TACC2: variants seen among roughly 807,000 people sequenced by gnomAD.
The protein encoded by TACC2 is transforming acidic coiled-coil-containing protein 2.
In TACC2, 137 loss-of-function variants were observed where a neutral mutation model predicts 227.3. That is an observed-to-expected ratio of 0.60 (90% CI 0.52 to 0.69). TACC2 has a LOEUF of 0.69. Among genes scored for constraint, TACC2 ranks in the 30% least tolerant of loss-of-function variants. The probability of loss-of-function intolerance (pLI) is 0.00; values close to 1 mark genes in which losing one functional copy is unlikely to be tolerated. For missense variants in TACC2, 3,470 were observed against 3,694.4 expected (o/e 0.94, Z 1.57); for synonymous variants, 1,523 against 1,487.5 (o/e 1.02, Z -0.55).
chr10:122,224,162 A>G (rs2095576712), intron 11 of TACC2, among the ~76,000 whole-genome samples: 1 of 152,226 alleles, frequency 6.6e-6, no homozygotes, highest in Admixed American at 6.5e-5. Flanking sequence ...GATTTGGACC[A>G]GCCCTGAAGA....
chr10:122,224,404 T>C (rs904091005), intron 11 of TACC2, among the ~76,000 whole-genome samples: 1 of 152,178 alleles, frequency 6.6e-6, no homozygotes, highest in African/African-American at 2.4e-5. Flanking sequence ...TGCTGTCTTA[T>C]GGGAACACTC....
intron 5 of TACC2, among the ~76,000 whole-genome samples, chr10:122,098,485 G>A (rs60594299): frequency 0.038 from 5,800 of 152,210 alleles, 191 homozygotes; most frequent in East Asian, 0.18. Context: ...AGGTGGCTGC[G>A]TCTAACTCAC....
chr10:122,238,985 A>C (rs1384243039), intron 18 of TACC2, among the ~76,000 whole-genome samples: 4 of 151,856 alleles, frequency 2.6e-5, no homozygotes, highest in African/African-American at 9.7e-5. Flanking sequence ...CATAAGTGCA[A>C]TGGCCGATAC....
At chr10:122,238,061 C>G (rs765497716) in intron 18 of TACC2, 24 bp downstream of exon 18, 1 of 1,599,098 alleles carries the variant, frequency 6.3e-7, no homozygotes, top group East Asian at 2.2e-5. Flanking sequence ...CTGGGCCTTC[C>G]TCGTGCCTGA....
chr10:122,178,244 T>C (rs552499646), intron 7 of TACC2, among the ~76,000 whole-genome samples: 14,884 of 150,286 alleles, frequency 0.099, 769 homozygotes, highest in African/African-American at 0.14. Context: ...TCTTTCTTTT[T>C]TTTTTTTTTT....
chr10:122,151,674 G>T lies in TACC2; in HGVS notation c.5834+7968G>T, dbSNP rs181440229. ...AAATATCTCTGGTGGCGAGGAGGAG[G>T]GTGGGTGGAGGAGAGGCCAGAGGTC... On this transcript the variant is annotated intron_variant, in intron 7 of 22. Transcript: ENST00000369005. Among the ~76,000 whole-genome samples the T allele has an allele frequency of 9.6e-5, 14 of 146,152 alleles. No individual in the cohort carries two copies. In the East Asian group the frequency reaches 2.7e-3, roughly 28 times the overall value.
intron 5 of TACC2, among the ~76,000 whole-genome samples, chr10:122,123,544 C>G (rs1030362397): frequency 6.6e-6 from 1 of 152,194 alleles, no homozygotes; most frequent in African/African-American, 2.4e-5. Context: ...AAAAGGATGC[C>G]CTGTGTGTTC....
chr10:122,152,999 C>CTTTT (rs150943859), intron 7 of TACC2, among the ~76,000 whole-genome samples: 1 of 135,036 alleles, frequency 7.4e-6, no homozygotes, highest in East Asian at 2.3e-4. Flanking sequence ...TTCTTTCTTT[C>CTTTT]TTTTTTTTTT....
chr10:122,002,449 G>A (rs945237182), intron 1 of TACC2, among the ~76,000 whole-genome samples: 2 of 152,062 alleles, frequency 1.3e-5, no homozygotes, highest in African/African-American at 4.8e-5. Context: ...GTGTGTGTGT[G>A]TGCCATTTTT....
chr10:121,990,757 G>T (rs1475833642), intron 1 of TACC2, among the ~76,000 whole-genome samples: 1 of 152,000 alleles, frequency 6.6e-6, no homozygotes, highest in Non-Finnish European at 1.5e-5. Flanking sequence ...TTACATTATT[G>T]TCTGGACATA....
intron 19 of TACC2, chr10:122,247,514 A>G (rs2096151652): frequency 6.6e-6 from 1 of 152,236 alleles, no homozygotes; most frequent in African/African-American, 2.4e-5. Flanking sequence ...TTTTGTGTAG[A>G]GTAGTCAGAG....
intron 9 of TACC2, among the ~76,000 whole-genome samples, chr10:122,214,946 C>T (rs545604433): frequency 2.2e-4 from 33 of 152,108 alleles, no homozygotes; most frequent in South Asian, 4.2e-4. Context: ...TTCTGCGTGG[C>T]CCCCTTCAGT....
chr10:122,158,282 G>A (rs995160146), intron 7 of TACC2, among the ~76,000 whole-genome samples: 3 of 152,010 alleles, frequency 2.0e-5, no homozygotes, highest in East Asian at 1.9e-4. Context: ...CCAGCTACTC[G>A]GGAGGCTGAG....
At chr10:122,199,739 A>C (rs1280252020) in intron 8 of TACC2, among the ~76,000 whole-genome samples, 1 of 152,184 alleles carries the variant, frequency 6.6e-6, no homozygotes, top group Non-Finnish European at 1.5e-5. Flanking sequence ...GGTACCTGTT[A>C]GCAACAGAAA....
At position 122,087,690 on chromosome 10, in the gene TACC2, G is replaced by A. The variant is rs752818434; in HGVS notation, c.5190G>A (p.Thr1730=). The A allele has an allele frequency of 2.5e-6, 4 of 1,613,254 alleles. No individual in the cohort carries two copies. Among genetic ancestry groups the A allele is most frequent in the Admixed American group, 1.7e-5 (1 of 60,026 alleles). ...GTGATCTGCCTGAAGCAGGTACTAC[G>A]AGGACATTCTCCGTTGTGGCAGGTG... ...ASGDLPEAGT[T]RTFSVVAGDL... Residue 1730 remains threonine, a synonymous_variant, in exon 4 of 23, where the codon ACG becomes ACA. Transcript: ENST00000369005.
intron 7 of TACC2, among the ~76,000 whole-genome samples, chr10:122,178,545 G>A (rs528447983): frequency 3.3e-5 from 5 of 151,156 alleles, no homozygotes; most frequent in Non-Finnish European, 7.4e-5. Context: ...CCAGTTCTTC[G>A]TTATTTCTGA....
chr10:122,034,298 G>A (rs1959491998), intron 2 of TACC2, among the ~76,000 whole-genome samples: 1 of 152,174 alleles, frequency 6.6e-6, no homozygotes, highest in South Asian at 2.1e-4. Flanking sequence ...AGAGCATTGT[G>A]AAGCCTTTTC....
chr10:122,038,637 C>A (rs1231388058), intron 2 of TACC2, among the ~76,000 whole-genome samples: 5 of 152,290 alleles, frequency 3.3e-5, no homozygotes, highest in African/African-American at 1.2e-4. Flanking sequence ...TTGAGGCAAT[C>A]TCCTGCTGGG....
chr10:122,127,092 G>T, intron 5 of TACC2: 1 of 166,492 alleles, frequency 6.0e-6, no homozygotes. Flanking sequence ...GTCCTCATGA[G>T]ACACTGAACC....
Sources: gnomAD v4.1 joint callset for allele counts (sites outside exome capture counted in the v4.1 genomes callset) on GRCh38, gnomAD v4.1.1 for gene constraint, MANE v1.5 for transcripts, NCBI Gene and HGNC (gene_info 2026-07-23, HGNC 2026-07-21) for gene names.